Variants in VTI1A observed in about 807,000 individuals in gnomAD.
VTI1A encodes vesicle transport through interaction with t-SNAREs homolog 1A.
In VTI1A, 22 loss-of-function variants were observed where a neutral mutation model predicts 34.9. The ratio of observed to expected loss-of-function variants is 0.63; its 90% CI spans 0.45 to 0.90. VTI1A has a LOEUF of 0.90. Among genes scored for constraint, VTI1A ranks in the 40% least tolerant of loss-of-function variants. The probability of loss-of-function intolerance (pLI) is 0.00; values close to 1 mark genes in which losing one functional copy is unlikely to be tolerated. For missense variants in VTI1A, 268 were observed against 275.6 expected, an observed-to-expected ratio of 0.97 and a Z score of 0.20; for synonymous variants, 87 against 97.3, an observed-to-expected ratio of 0.89 and a Z score of 0.62.
intron 7 of VTI1A, among the ~76,000 whole-genome samples, chr10:112,701,928 C>T (rs965229101): frequency 2.6e-5 from 4 of 152,076 alleles, no homozygotes; most frequent in African/African-American, 9.7e-5. Context: ...GAGAAAGGGG[C>T]AGTAAGTGAA....
At chr10:112,632,985 T>C (rs78018538) in intron 5 of VTI1A, among the ~76,000 whole-genome samples, 2,003 of 152,350 alleles carry the variant, frequency 0.013, 37 homozygotes, top group African/African-American at 0.046. Flanking sequence ...GGGCATTATA[T>C]TGATTTCTTT....
At chr10:112,765,090 G>A (rs1463917064) in intron 7 of VTI1A, among the ~76,000 whole-genome samples, 3 of 152,176 alleles carry the variant, frequency 2.0e-5, no homozygotes, top group South Asian at 4.1e-4. Context: ...AAGTGAAAGG[G>A]AAATGACATC....
downstream of VTI1A, among the ~76,000 whole-genome samples, chr10:112,819,760 A>G (rs1416839939): frequency 6.6e-6 from 1 of 152,142 alleles, no homozygotes; most frequent in Non-Finnish European, 1.5e-5. Context: ...ATCGGAAGTC[A>G]GTGGCCTTCT....
At position 112,465,732 on chromosome 10, in the gene VTI1A, A is replaced by G. The variant is rs145572242; in HGVS notation, c.264+1075A>G. ...GGAGGGAGAAATGGAGAGTTGTTTCATGGGCAAAGAGTTTCAGTTTTGCCA... is the reference window on the plus strand; with the variant it reads ...GGAGGGAGAAATGGAGAGTTGTTTCGTGGGCAAAGAGTTTCAGTTTTGCCA... On this transcript the variant is annotated intron_variant, in intron 3 of 7. Transcript: ENST00000393077. Among the ~76,000 whole-genome samples, 339 of 152,262 alleles carry G rather than the reference A, an allele frequency of 2.2e-3. 1 individual carries two copies. The highest frequency in any genetic ancestry group is 3.7e-3 in the Non-Finnish European group (254 of 68,020).
At chr10:112,497,127 G>A (rs553068212) in intron 3 of VTI1A, among the ~76,000 whole-genome samples, 3 of 152,092 alleles carry the variant, frequency 2.0e-5, no homozygotes, top group East Asian at 1.9e-4. Context: ...AGACCAGCTC[G>A]GCCAAAATGG....
At chr10:112,602,240 C>A (rs180917083) in intron 5 of VTI1A, among the ~76,000 whole-genome samples, 2 of 152,294 alleles carry the variant, frequency 1.3e-5, no homozygotes, top group Admixed American at 6.5e-5. Context: ...ACCCTTTGAC[C>A]TCAACCTTGC....
intron 7 of VTI1A, among the ~76,000 whole-genome samples, chr10:112,747,474 T>G (rs2133986076): frequency 6.6e-6 from 1 of 152,282 alleles, no homozygotes; most frequent in South Asian, 2.1e-4. Context: ...TATAACACAA[T>G]GGTTAAGTAT....
At chr10:112,472,991 A>G (rs923290473) in intron 3 of VTI1A, among the ~76,000 whole-genome samples, 2 of 151,206 alleles carry the variant, frequency 1.3e-5, no homozygotes, top group African/African-American at 4.9e-5. Flanking sequence ...GAAAAAAAAA[A>G]TCACCAGTAG....
intron 7 of VTI1A, chr10:112,737,684 GA>G: frequency 9.5e-7 from 1 of 1,056,022 alleles, no homozygotes. Flanking sequence ...TCCATGTGCG[GA>G]TGACTGTCAA....
chr10:112,499,229 C>T (rs1458573232), intron 3 of VTI1A, among the ~76,000 whole-genome samples: 2 of 152,090 alleles, frequency 1.3e-5, no homozygotes, highest in African/African-American at 2.4e-5. Flanking sequence ...TCACACGTGA[C>T]CCCTGTTTCT....
At chr10:112,753,953 A>C (rs1404609218) in intron 7 of VTI1A, among the ~76,000 whole-genome samples, 1 of 152,168 alleles carries the variant, frequency 6.6e-6, no homozygotes, top group African/African-American at 2.4e-5. Flanking sequence ...GAAGAAGAAC[A>C]GTATACACAG....
At chr10:112,631,583 C>A (rs906846544) in intron 5 of VTI1A, among the ~76,000 whole-genome samples, 2 of 152,154 alleles carry the variant, frequency 1.3e-5, no homozygotes, top group Non-Finnish European at 2.9e-5. Context: ...ACATTGCAGC[C>A]TAGGTCAGTA....
In VTI1A at chr10:112,788,963, G is replaced by T. The variant is rs377028923; in HGVS notation, c.561-26327G>T. 2.6e-5 allele frequency among the ~76,000 whole-genome samples: 4 copies of T among 151,726 alleles called. No homozygotes were observed. In the East Asian group the frequency reaches 7.7e-4, roughly 29 times the overall value. On this transcript the variant is annotated intron_variant, in intron 7 of 7. Coordinates refer to ENST00000393077, the MANE Select transcript of VTI1A (RefSeq NM_145206.4). The stretch of plus-strand genomic sequence containing the variant: ...TAACCAATTTCCTCCCTCTTCCTTT[G>T]TTACGTATAGATATGACTATGATTA...
At chr10:112,778,458 A>G (rs1852016859) in intron 7 of VTI1A, among the ~76,000 whole-genome samples, 1 of 152,182 alleles carries the variant, frequency 6.6e-6, no homozygotes, top group Admixed American at 6.5e-5. Flanking sequence ...CACAACCCCG[A>G]TACCATCTGG....
intron 1 of VTI1A, among the ~76,000 whole-genome samples, chr10:112,448,163 T>A (rs1347517809): frequency 1.3e-5 from 2 of 152,270 alleles, no homozygotes; most frequent in East Asian, 3.8e-4. Context: ...TAAATTTATA[T>A]AACATATTTA....
intron 5 of VTI1A, among the ~76,000 whole-genome samples, chr10:112,641,812 G>A (rs1020760074): frequency 2.6e-5 from 4 of 152,070 alleles, no homozygotes; most frequent in Admixed American, 1.3e-4. Flanking sequence ...ATATCAATCC[G>A]TTGTGTAGAC....
At chr10:112,515,246 G>C (rs1201825868) in intron 3 of VTI1A, among the ~76,000 whole-genome samples, 1 of 151,930 alleles carries the variant, frequency 6.6e-6, no homozygotes, top group Middle Eastern at 3.2e-3. Flanking sequence ...AGCTATAAAA[G>C]ATCAGAATGA....
chr10:112,650,555 G>T (rs1019794585), intron 5 of VTI1A, among the ~76,000 whole-genome samples: 1 of 152,036 alleles, frequency 6.6e-6, no homozygotes, highest in African/African-American at 2.4e-5. Context: ...GTTGTTTATT[G>T]TTATCCAGCA....
intron 7 of VTI1A, among the ~76,000 whole-genome samples, chr10:112,808,317 G>C (rs895596734): frequency 6.6e-6 from 1 of 151,686 alleles, no homozygotes; most frequent in Middle Eastern, 3.5e-3. Context: ...GTTCAATCCA[G>C]TACAATCAGT....
Sources: allele counts gnomAD v4.1 joint callset (sites outside exome capture counted in the v4.1 genomes callset), GRCh38; gene constraint gnomAD v4.1.1; transcripts MANE v1.5; gene names NCBI Gene and HGNC (gene_info 2026-07-23, HGNC 2026-07-21).